RIMS1: variants seen among roughly 807,000 people sequenced by gnomAD.
RIMS1 encodes regulating synaptic membrane exocytosis protein 1.
A neutral mutation model predicts 214.1 loss-of-function variants in RIMS1; 83 were observed. That is an observed-to-expected ratio of 0.39 (90% confidence interval 0.32 to 0.47). The LOEUF is 0.47. Among genes scored for constraint, RIMS1 ranks in the 20% least tolerant of loss-of-function variants. The pLI is 0.99. For synonymous variants in RIMS1, 793 were observed against 786.8 expected, an observed-to-expected ratio of 1.01 and a Z score of -0.13; for missense variants, 2,050 against 2,161.8, an observed-to-expected ratio of 0.95 and a Z score of 1.03.
chr6:72,190,429 C>G, intron 6 of RIMS1, among the ~76,000 whole-genome samples: 1 of 147,924 alleles, frequency 6.8e-6, no homozygotes. Flanking sequence ...CGCCATTGCA[C>G]TCCAGCCTTG....
chr6:72,088,196 A>C (rs1835161938), intron 2 of RIMS1, among the ~76,000 whole-genome samples: 1 of 149,950 alleles, frequency 6.7e-6, no homozygotes, highest in South Asian at 2.1e-4. Flanking sequence ...CACTTGCATT[A>C]ATTTTTATTT....
chr6:72,269,958 G>A (rs1173608473), intron 22 of RIMS1, among the ~76,000 whole-genome samples: 7 of 151,908 alleles, frequency 4.6e-5, no homozygotes, highest in Middle Eastern at 3.2e-3. Context: ...ACCAACACAC[G>A]CACATACTTC....
intron 29 of RIMS1, among the ~76,000 whole-genome samples, chr6:72,381,548 C>A (rs899367828): frequency 2.0e-5 from 3 of 152,324 alleles, no homozygotes; most frequent in South Asian, 2.1e-4. Flanking sequence ...TCAGTGTATA[C>A]AAATCTCTTT....
At chr6:72,177,932 T>A (rs1300799966) in intron 4 of RIMS1, among the ~76,000 whole-genome samples, 2 of 152,204 alleles carry the variant, frequency 1.3e-5, no homozygotes, top group Admixed American at 1.3e-4. Flanking sequence ...TATACCCTTA[T>A]TTGGCTAGCA....
intron 2 of RIMS1, among the ~76,000 whole-genome samples, chr6:72,077,539 C>A (rs1260494454): frequency 6.6e-6 from 1 of 152,208 alleles, no homozygotes; most frequent in Admixed American, 6.5e-5. Flanking sequence ...GACAAAACCA[C>A]AACTCACACT....
At chr6:71,899,429 G>A (rs1020208891) in intron 1 of RIMS1, among the ~76,000 whole-genome samples, 1 of 151,554 alleles carries the variant, frequency 6.6e-6, no homozygotes, top group Non-Finnish European at 1.5e-5. Context: ...AGTGGGATGA[G>A]GTGTGAATGG....
chr6:71,980,856 A>C (rs1436083858), intron 2 of RIMS1, among the ~76,000 whole-genome samples: 2 of 152,150 alleles, frequency 1.3e-5, no homozygotes, highest in Non-Finnish European at 2.9e-5. Context: ...AGGGACAAGT[A>C]AGAGATAAGA....
chr6:72,090,515 A>G (rs1225173664), intron 2 of RIMS1, among the ~76,000 whole-genome samples: 1 of 152,196 alleles, frequency 6.6e-6, no homozygotes, highest in Non-Finnish European at 1.5e-5. Flanking sequence ...ATCATTAAAA[A>G]AAAAAATAGT....
intron 1 of RIMS1, among the ~76,000 whole-genome samples, chr6:71,954,367 G>A (rs924962747): frequency 6.6e-6 from 1 of 152,086 alleles, no homozygotes; most frequent in Non-Finnish European, 1.5e-5. Flanking sequence ...TTAAGATACA[G>A]TAGCATGGTT....
At chr6:72,116,647 A>C (rs1418378019) in intron 4 of RIMS1, among the ~76,000 whole-genome samples, 3 of 152,008 alleles carry the variant, frequency 2.0e-5, no homozygotes, top group African/African-American at 7.2e-5. Flanking sequence ...TTACAGTCTC[A>C]GTTACAACTA....
chr6:71,977,751 CA>C (rs1797517530), intron 2 of RIMS1, among the ~76,000 whole-genome samples: 2 of 152,018 alleles, frequency 1.3e-5, no homozygotes, highest in Admixed American at 1.3e-4. Flanking sequence ...ATGTGGAAAA[CA>C]GAGTATCATG....
intron 28 of RIMS1, among the ~76,000 whole-genome samples, chr6:72,331,232 T>G (rs1459035802): frequency 6.6e-6 from 1 of 151,734 alleles, no homozygotes; most frequent in African/African-American, 2.4e-5. Context: ...CACAATGGTG[T>G]TTTTTTGTGA....
chr6:72,242,548 C>T, intron 10 of RIMS1, 111 bp downstream of exon 10: 1 of 734,382 alleles, frequency 1.4e-6, no homozygotes, highest in Non-Finnish European at 2.1e-6. Context: ...ATAGTTTTTG[C>T]ATCAATTATG....
Position 72,213,053 on chromosome 6 carries a change from A to G in RIMS1, c.1679-20720A>G, listed in dbSNP as rs1181238971. ...CACACTCTTCTTAGATAAGATCTTG[A>G]GCAGCAGAGAGTGGTTTAAACAGCA... is the stretch of plus-strand genomic sequence containing the variant. On this transcript the variant is annotated intron_variant, in intron 6 of 33. Coordinates refer to ENST00000521978, the MANE Select transcript of RIMS1 (RefSeq NM_014989.7). 4.6e-6 allele frequency: 7 copies of G among 1,532,256 alleles called. No homozygotes were observed. In the East Asian group the frequency reaches 1.7e-4, roughly 38 times the overall value. 94.9% of individuals were successfully genotyped at this position (1,532,256 alleles called of 1,614,324 possible).
At chr6:72,155,986 T>C (rs1164036425) in intron 4 of RIMS1, 3 of 257,212 alleles carry the variant, frequency 1.2e-5, no homozygotes, top group African/African-American at 4.5e-5. Flanking sequence ...GGTGAGGATA[T>C]GGAGAAAAAA....
chr6:71,985,572 G>C (rs902041602), intron 2 of RIMS1, among the ~76,000 whole-genome samples: 1 of 152,094 alleles, frequency 6.6e-6, no homozygotes, highest in Non-Finnish European at 1.5e-5. Flanking sequence ...CCATGTTAAA[G>C]TGACATCCTA....
At chr6:72,161,978 G>T (rs1464519924) in intron 4 of RIMS1, among the ~76,000 whole-genome samples, 1 of 140,604 alleles carries the variant, frequency 7.1e-6, no homozygotes, top group Non-Finnish European at 1.6e-5. Flanking sequence ...GTCAATTGTT[G>T]ATAGTGGGGT....
chr6:72,259,925 A>T (rs1360593593), intron 18 of RIMS1, among the ~76,000 whole-genome samples: 1 of 152,164 alleles, frequency 6.6e-6, no homozygotes, highest in Non-Finnish European at 1.5e-5. Context: ...TTCGCCATGG[A>T]GTCAAGGACA....
chr6:72,261,315 TA>T, intron 19 of RIMS1: 1 of 996,074 alleles, frequency 1.0e-6, no homozygotes, highest in Non-Finnish European at 1.2e-6. Flanking sequence ...AACCTGATCT[TA>T]ACTATCCTAG....
Sources: allele counts gnomAD v4.1 joint callset (sites outside exome capture counted in the v4.1 genomes callset), GRCh38; gene constraint gnomAD v4.1.1; transcripts MANE v1.5; gene names NCBI Gene and HGNC (gene_info 2026-07-23, HGNC 2026-07-21).